Variants in NBPF11 observed in about 807,000 individuals in gnomAD.
NBPF11 encodes NBPF member 11.
Under a neutral mutation model 93.9 loss-of-function variants are expected in NBPF11, and 72 were observed. The observed-to-expected ratio is 0.77, with a 90% CI of 0.63 to 0.93. NBPF11 has a LOEUF of 0.93. Among genes scored for constraint, NBPF11 ranks in the 40% least tolerant of loss-of-function variants. The pLI is 0.00. For synonymous variants in NBPF11, 224 were observed against 304.9 expected (o/e 0.73, Z 2.76); for missense variants, 705 against 802.2 (o/e 0.88, Z 1.46).
At chr1:148,117,181 G>C (rs1666772523) in intron 12 of NBPF11, among the ~76,000 whole-genome samples, 1 of 151,620 alleles carries the variant, frequency 6.6e-6, no homozygotes, top group Non-Finnish European at 1.5e-5. Context: ...GAGAAACTCA[G>C]GAAGGACAAG....
At chr1:148,119,785 A>G (rs1308832841) in intron 10 of NBPF11, among the ~76,000 whole-genome samples, 1 of 151,906 alleles carries the variant, frequency 6.6e-6, no homozygotes, top group Non-Finnish European at 1.5e-5. Context: ...CCTCCTGAGC[A>G]GGGGTGATTA....
intron 10 of NBPF11, 119 bp downstream of exon 10, chr1:148,120,382 T>C (rs1667546908): frequency 1.4e-6 from 1 of 715,314 alleles, no homozygotes; most frequent in African/African-American, 1.8e-5. Flanking sequence ...TACCCATTTC[T>C]GTTTTCCTAG....
At chr1:148,110,346 G>T in intron 16 of NBPF11, 32 bp downstream of exon 16, 4 of 1,572,968 alleles carry the variant, frequency 2.5e-6, no homozygotes, top group African/African-American at 1.4e-5. Context: ...CCATGAACTG[G>T]AGCTTTATCA....
At chr1:148,136,999 T>C (rs1221973630) in intron 3 of NBPF11, among the ~76,000 whole-genome samples, 1 of 151,804 alleles carries the variant, frequency 6.6e-6, no homozygotes, top group Non-Finnish European at 1.5e-5. Context: ...ACTTTGCAGA[T>C]GGGGGAATGT....
chr1:148,127,955 G>A (rs1297675570), intron 4 of NBPF11, among the ~76,000 whole-genome samples: 9 of 151,534 alleles, frequency 5.9e-5, no homozygotes, highest in African/African-American at 2.0e-4. Flanking sequence ...GCACACGGCC[G>A]ACTTCTCTTT....
At chr1:148,127,815 C>CTT (rs1183487358) in intron 4 of NBPF11, among the ~76,000 whole-genome samples, 516 of 135,740 alleles carry the variant, frequency 3.8e-3, no homozygotes, top group African/African-American at 8.1e-3. Context: ...GCTAATTTTT[C>CTT]TTTTTTTTTT....
chr1:148,103,909 G>T lies in NBPF11; in HGVS notation c.2585C>A (p.Ser862Ter). Residue 862 changes from serine to a stop codon, truncating the protein, a stop_gained, in exon 24 of 24, where the codon TCA becomes TAA. Transcript: ENST00000682118. LOFTEE classifies it high-confidence loss of function. Reference sequence around the variant, plus strand: ...CTTCCACTTCCATCAGCACGCTGCTGAGCCTGGAAAAGGAGACAAAACTAA... The same window carrying T: ...CTTCCACTTCCATCAGCACGCTGCTTAGCCTGGAAAAGGAGACAAAACTAA... The part of the protein sequence containing the change: ...KKIKTHHAPG[S>*]AAC 6.2e-7 allele frequency: 1 copy of T among 1,610,954 alleles called. No individual in the cohort carries two copies. The highest frequency in any genetic ancestry group is 1.7e-5 in the Admixed American group (1 of 60,006).
intron 7 of NBPF11, among the ~76,000 whole-genome samples, chr1:148,123,005 G>T (rs1668241516): frequency 6.6e-6 from 1 of 151,884 alleles, no homozygotes; most frequent in African/African-American, 2.4e-5. Flanking sequence ...CCACCATCAA[G>T]ATGTGGCCAA....
intron 19 of NBPF11, among the ~76,000 whole-genome samples, 175 bp downstream of exon 19, chr1:148,107,536 G>C (rs1240676129): frequency 6.6e-6 from 1 of 152,298 alleles, no homozygotes. Context: ...TAAATGACAA[G>C]GGGAGGAAGA....
intron 2 of NBPF11, among the ~76,000 whole-genome samples, chr1:148,142,051 A>G: frequency 1.6e-5 from 2 of 126,064 alleles, no homozygotes; most frequent in East Asian, 2.9e-4. Flanking sequence ...GAAGGCAGGG[A>G]GGGAGGGAGG....
chr1:148,146,018 C>T (rs1672946594), intron 1 of NBPF11, among the ~76,000 whole-genome samples: 1 of 152,054 alleles, frequency 6.6e-6, no homozygotes, highest in African/African-American at 2.4e-5. Flanking sequence ...TAAAGTATTA[C>T]AAATCAACAG....
At chr1:148,151,415 G>A (rs1467829944) in intron 1 of NBPF11, among the ~76,000 whole-genome samples, 1 of 152,034 alleles carries the variant, frequency 6.6e-6, no homozygotes, top group Non-Finnish European at 1.5e-5. Context: ...GGCCTCGAGG[G>A]TGGGGTGCGA....
intron 1 of NBPF11, chr1:148,149,348 A>G: frequency 1.3e-6 from 2 of 1,596,988 alleles, no homozygotes; most frequent in Non-Finnish European, 1.7e-6. Context: ...TAACATCGAG[A>G]AGGTGTCCAA....
At chr1:148,119,470 G>A (rs1457482971) in intron 10 of NBPF11, among the ~76,000 whole-genome samples, 2 of 151,908 alleles carry the variant, frequency 1.3e-5, no homozygotes, top group Non-Finnish European at 2.9e-5. Context: ...CTGAGGGACA[G>A]AGAAGACAAG....
Position 148,151,961 on chromosome 1 carries a change from C to G in NBPF11, c.-760G>C, listed in dbSNP as rs1267337184. The G allele has an allele frequency of 1.3e-5, 2 of 152,706 alleles. No homozygotes were observed. The highest frequency in any genetic ancestry group is 1.5e-5 in the Non-Finnish European group (1 of 68,618). The allele number at this position is 152,706 out of a possible 1,614,324, so 9.5% of individuals were successfully genotyped here. A position where few individuals can be genotyped will look rare whatever the true frequency, so the allele number is the denominator to read the frequency against. The stretch of plus-strand genomic sequence containing the variant: ...ATCTCCACCGCCGCCCAGCAACTTG[C>G]TTGCGGCCCGCTGGCTCCTCAGGGT... On this transcript the variant is annotated 5_prime_UTR_variant, in exon 1 of 24. Coordinates refer to ENST00000682118, the MANE Select transcript of NBPF11 (RefSeq NM_001385469.3).
intron 2 of NBPF11, among the ~76,000 whole-genome samples, chr1:148,139,059 C>T (rs1466439842): frequency 6.0e-5 from 9 of 150,858 alleles, no homozygotes; most frequent in Non-Finnish European, 1.0e-4. Flanking sequence ...CCGTTGCATT[C>T]GAGCCCAAGG....
intron 5 of NBPF11, among the ~76,000 whole-genome samples, chr1:148,125,896 G>A (rs1363892039): frequency 1.8e-4 from 27 of 152,142 alleles, no homozygotes; most frequent in African/African-American, 6.0e-4. Context: ...GTTCTCGGGT[G>A]TGATCTTTCT....
chr1:148,149,364 C>T lies in NBPF11; in HGVS notation c.-549+2386G>A, dbSNP rs1218809210. ...AACATCGAGAAGGTGTCCAAGATCA[C>T]GTCTCCCGTGCTCATCATCCACGGC... On this transcript the variant is annotated intron_variant, in intron 1 of 23. Coordinates refer to ENST00000682118, the MANE Select transcript of NBPF11 (RefSeq NM_001385469.3). 4,648 of 1,596,726 alleles carry T rather than the reference C, an allele frequency of 2.9e-3. 15 individuals are homozygous for T. The highest frequency in any genetic ancestry group is 3.7e-3 in the Non-Finnish European group (4,341 of 1,179,458).
chr1:148,122,331 T>C, intron 8 of NBPF11, 65 bp from the exon 9 acceptor site: 2 of 1,609,426 alleles, frequency 1.2e-6, no homozygotes, highest in Non-Finnish European at 1.7e-6. Flanking sequence ...CCCCAAGGAG[T>C]CCTAGCTGGT....
Sources: allele counts gnomAD v4.1 joint callset (sites outside exome capture counted in the v4.1 genomes callset), GRCh38; gene constraint gnomAD v4.1.1; transcripts MANE v1.5; gene names NCBI Gene and HGNC (gene_info 2026-07-23, HGNC 2026-07-21).